RIPOR2: variants seen among roughly 807,000 people sequenced by gnomAD.
RIPOR2 encodes RHO family interacting cell polarization regulator 2.
Under a neutral mutation model 114.5 loss-of-function variants are expected in RIPOR2, and 39 were observed. That is an observed-to-expected ratio of 0.34 (90% CI 0.26 to 0.44). The LOEUF (loss-of-function observed/expected upper bound fraction) is 0.44. RIPOR2 is among the 20% of genes least tolerant of loss of function. The probability of loss-of-function intolerance (pLI) is 1.00; values close to 1 mark genes in which losing one functional copy is unlikely to be tolerated. For synonymous variants in RIPOR2, 445 were observed against 484.4 expected, an observed-to-expected ratio of 0.92 and a Z score of 1.07; for missense variants, 1,007 against 1,255.1, an observed-to-expected ratio of 0.80 and a Z score of 2.99.
At chr6:24,918,232 A>G (rs1201475208) in intron 1 of RIPOR2, among the ~76,000 whole-genome samples, 2 of 152,222 alleles carry the variant, frequency 1.3e-5, no homozygotes, top group Non-Finnish European at 2.9e-5. Flanking sequence ...TCTCATTGTA[A>G]ATAAGCTTCC....
At chr6:25,028,864 T>C (rs536933592) in intron 1 of RIPOR2, among the ~76,000 whole-genome samples, 1 of 152,178 alleles carries the variant, frequency 6.6e-6, no homozygotes, top group Non-Finnish European at 1.5e-5. Context: ...GTATGGGGAA[T>C]AGTGGATCTG....
intron 1 of RIPOR2, among the ~76,000 whole-genome samples, chr6:25,021,971 T>A (rs927579300): frequency 6.6e-6 from 1 of 152,126 alleles, no homozygotes; most frequent in African/African-American, 2.4e-5. Flanking sequence ...AATTGGTTTA[T>A]AAGAGAAACT....
chr6:24,830,718 T>G (rs1760607766), intron 16 of RIPOR2, 48 bp from the exon 17 acceptor site: 1 of 1,506,170 alleles, frequency 6.6e-7, no homozygotes, highest in African/African-American at 1.4e-5. Flanking sequence ...TTTATTTTAT[T>G]TTATTTTATT....
Position 24,806,261 on chromosome 6 carries a change from T to C in RIPOR2, c.*112A>G, listed in dbSNP as rs1780764279. The stretch of plus-strand genomic sequence containing the variant: ...AGCCACTGCACCTGGCCTACATTTT[T>C]ATTTCAGTTGTCGTGTCTCTCAGGC... On this transcript the variant is annotated 3_prime_UTR_variant, in exon 22 of 22. Transcript: ENST00000643898. 2.6e-6 allele frequency: 2 copies of C among 773,110 alleles called. No individual in the cohort carries two copies. Among genetic ancestry groups the C allele is most frequent in the South Asian group, 3.2e-5 (2 of 63,376 alleles). 47.9% of individuals were successfully genotyped at this position (773,110 alleles called of 1,614,324 possible). A position where few individuals can be genotyped will look rare whatever the true frequency, so the allele number is the denominator to read the frequency against.
At chr6:24,931,840 A>G (rs1771413967) in intron 1 of RIPOR2, 1 of 152,224 alleles carries the variant, frequency 6.6e-6, no homozygotes, top group African/African-American at 2.4e-5. Flanking sequence ...GAAAGAAGCA[A>G]TTGCAGCTTT....
chr6:24,920,082 A>G (rs1770368453), intron 1 of RIPOR2, among the ~76,000 whole-genome samples: 1 of 152,250 alleles, frequency 6.6e-6, no homozygotes, highest in Non-Finnish European at 1.5e-5. Context: ...GAGTTAAAAT[A>G]AAAGCAAATG....
At chr6:24,978,572 A>G (rs563945228) in intron 1 of RIPOR2, among the ~76,000 whole-genome samples, 4 of 152,108 alleles carry the variant, frequency 2.6e-5, no homozygotes, top group South Asian at 4.1e-4. Context: ...CTGAAATTCC[A>G]TCTTCAGAGG....
chr6:24,885,195 T>C (rs1348768997), intron 1 of RIPOR2, among the ~76,000 whole-genome samples: 4 of 152,150 alleles, frequency 2.6e-5, no homozygotes, highest in African/African-American at 9.7e-5. Flanking sequence ...AGCGTAAAAT[T>C]TGAAGTGGTA....
At chr6:24,836,225 T>C (rs1761094717) in intron 14 of RIPOR2, among the ~76,000 whole-genome samples, 1 of 152,224 alleles carries the variant, frequency 6.6e-6, no homozygotes, top group African/African-American at 2.4e-5. Flanking sequence ...TTTTCTGGAA[T>C]TAAATTGTCC....
intron 1 of RIPOR2, among the ~76,000 whole-genome samples, chr6:24,954,706 C>T (rs1772949987): frequency 6.6e-6 from 1 of 152,006 alleles, no homozygotes; most frequent in Non-Finnish European, 1.5e-5. Context: ...CCTCAGCCTC[C>T]CAAAATGCTG....
intron 19 of RIPOR2, 67 bp downstream of exon 19, chr6:24,825,159 A>G (rs1194563664): frequency 2.6e-5 from 29 of 1,129,210 alleles, no homozygotes; most frequent in Non-Finnish European, 3.4e-5. Flanking sequence ...AAATGCTAAA[A>G]TATTAGTAGT....
rs149029839 is a variant in RIPOR2, at chr6:24,981,510, G to A, written c.76+60341C>T. On this transcript the variant is annotated intron_variant, in intron 1 of 13. Transcript: ENST00000510784. ...CCCCCACTGCCCTGCATCTGATTAT[G>A]CTAGCCAGCTAGGCCTTTCCTGAGC... 1.9e-3 allele frequency among the ~76,000 whole-genome samples: 291 copies of A among 152,304 alleles called. 1 individual carries two copies. Among genetic ancestry groups the A allele is most frequent in the African/African-American group, 4.4e-3 (181 of 41,554 alleles).
chr6:25,027,041 T>A (rs1333209310), intron 1 of RIPOR2, among the ~76,000 whole-genome samples: 4 of 152,200 alleles, frequency 2.6e-5, no homozygotes, highest in Admixed American at 2.6e-4. Context: ...CGGCACATTC[T>A]GGGATCTACA....
intron 11 of RIPOR2, among the ~76,000 whole-genome samples, chr6:24,848,825 C>T (rs568228604): frequency 6.6e-6 from 1 of 152,136 alleles, no homozygotes; most frequent in Non-Finnish European, 1.5e-5. Context: ...GTAAATGAGA[C>T]CCTGAGCATG....
At chr6:24,933,688 G>A (rs992652378) in intron 1 of RIPOR2, among the ~76,000 whole-genome samples, 4 of 152,188 alleles carry the variant, frequency 2.6e-5, no homozygotes, top group South Asian at 2.1e-4. Context: ...CTGTACAACC[G>A]ATAGGTATTA....
At chr6:24,873,895 A>G in intron 2 of RIPOR2, 96 bp from the exon 3 acceptor site, 8 of 1,081,952 alleles carry the variant, frequency 7.4e-6, no homozygotes, top group Non-Finnish European at 1.1e-5. Context: ...TGTTTTAGAG[A>G]CAAAGTCTTC....
At chr6:25,018,285 C>T (rs778038907) in intron 1 of RIPOR2, among the ~76,000 whole-genome samples, 21 of 152,138 alleles carry the variant, frequency 1.4e-4, no homozygotes, top group South Asian at 1.2e-3. Context: ...AACTGAAATA[C>T]GTTCCTCTTG....
chr6:24,925,441 T>G (rs1373621603), intron 1 of RIPOR2, among the ~76,000 whole-genome samples: 1 of 152,152 alleles, frequency 6.6e-6, no homozygotes. Context: ...CGGTGGGTCA[T>G]GCCTGTAATC....
intron 1 of RIPOR2, among the ~76,000 whole-genome samples, chr6:25,000,308 C>T (rs535545290): frequency 2.6e-5 from 4 of 152,252 alleles, no homozygotes; most frequent in East Asian, 1.9e-4. Flanking sequence ...TGACCACTCG[C>T]GAAAACTCAC....
Sources: gnomAD v4.1 joint callset for allele counts (sites outside exome capture counted in the v4.1 genomes callset) on GRCh38, gnomAD v4.1.1 for gene constraint, MANE v1.5 for transcripts, NCBI Gene and HGNC (gene_info 2026-07-23, HGNC 2026-07-21) for gene names.